The following MAGI2 variants were observed in gnomAD, a reference collection of about 807,000 sequenced individuals.
The protein encoded by MAGI2 is membrane-associated guanylate kinase, WW and PDZ domain-containing protein 2.
In MAGI2, 35 loss-of-function variants were observed where a neutral mutation model predicts 133.3. That is an observed-to-expected ratio of 0.26 (90% CI 0.20 to 0.35). MAGI2 has a LOEUF of 0.35. Among genes scored for constraint, MAGI2 ranks in the 10% least tolerant of loss-of-function variants. The probability of loss-of-function intolerance (pLI) is 1.00; values close to 1 mark genes in which losing one functional copy is unlikely to be tolerated. For synonymous variants in MAGI2, 729 were observed against 710.6 expected, an observed-to-expected ratio of 1.03 and a Z score of -0.41; for missense variants, 1,636 against 1,863.4, an observed-to-expected ratio of 0.88 and a Z score of 2.25.
intron 1 of MAGI2, among the ~76,000 whole-genome samples, chr7:79,193,598 A>G (rs1239610333): frequency 6.6e-6 from 1 of 151,982 alleles, no homozygotes; most frequent in African/African-American, 2.4e-5. Flanking sequence ...ATACTAATAA[A>G]CTAATAACTT....
At chr7:78,704,782 T>TTTTTTTTCC (rs1554535276) in intron 2 of MAGI2, among the ~76,000 whole-genome samples, 165 of 143,422 alleles carry the variant, frequency 1.2e-3, no homozygotes, top group East Asian at 3.2e-3. Context: ...ATTATTCTTT[T>TTTTTTTTCC]TTTTTTTTTT....
chr7:79,443,416 A>T (rs1431963338), intron 1 of MAGI2, among the ~76,000 whole-genome samples: 14 of 152,230 alleles, frequency 9.2e-5, no homozygotes, highest in Admixed American at 8.5e-4. Flanking sequence ...TCTTAAAAAA[A>T]CAAAACAAAA....
chr7:79,190,433 T>C (rs1280505018), intron 1 of MAGI2, among the ~76,000 whole-genome samples: 1 of 151,936 alleles, frequency 6.6e-6, no homozygotes, highest in East Asian at 1.9e-4. Flanking sequence ...TTTGTTGAAG[T>C]GTCTGTTCCT....
At chr7:79,030,506 T>G (rs1315196708) in intron 1 of MAGI2, among the ~76,000 whole-genome samples, 1 of 152,190 alleles carries the variant, frequency 6.6e-6, no homozygotes, top group African/African-American at 2.4e-5. Flanking sequence ...TCTCCGTTTT[T>G]GTTTTTGTTT....
chr7:78,216,435 T>C (rs113198310), intron 10 of MAGI2, among the ~76,000 whole-genome samples: 1 of 152,210 alleles, frequency 6.6e-6, no homozygotes, highest in African/African-American at 2.4e-5. Flanking sequence ...GTAATTGGCT[T>C]CCCCATGCTT....
At chr7:79,001,304 T>C (rs918879716) in intron 2 of MAGI2, among the ~76,000 whole-genome samples, 2 of 152,184 alleles carry the variant, frequency 1.3e-5, no homozygotes, top group African/African-American at 4.8e-5. Flanking sequence ...TGTTCTGGCT[T>C]CAAATAAATT....
chr7:78,622,534 G>T (rs954431618), intron 3 of MAGI2, among the ~76,000 whole-genome samples: 9 of 151,976 alleles, frequency 5.9e-5, no homozygotes, highest in African/African-American at 2.2e-4. Context: ...GAGTAGCACA[G>T]AATTCTGTAT....
chr7:78,774,795 G>A (rs1025754612), intron 2 of MAGI2, among the ~76,000 whole-genome samples: 21 of 152,166 alleles, frequency 1.4e-4, no homozygotes, highest in African/African-American at 5.1e-4. Context: ...TGGTAGAAGA[G>A]ACTAAAGGTC....
chr7:79,398,312 CTG>C (rs1438768119), intron 1 of MAGI2, among the ~76,000 whole-genome samples: 2 of 152,166 alleles, frequency 1.3e-5, no homozygotes, highest in Non-Finnish European at 2.9e-5. Context: ...TCCATTCGGC[CTG>C]TGTCTCATTT....
At chr7:78,144,788 A>T (rs555216209) in intron 16 of MAGI2, among the ~76,000 whole-genome samples, 1 of 152,234 alleles carries the variant, frequency 6.6e-6, no homozygotes, top group East Asian at 1.9e-4. Context: ...TCTGAGATAC[A>T]CGTGCAGAAC....
chr7:79,100,832 A>T (rs1817913010), intron 1 of MAGI2, among the ~76,000 whole-genome samples: 1 of 151,840 alleles, frequency 6.6e-6, no homozygotes, highest in African/African-American at 2.4e-5. Context: ...TAATCCATTA[A>T]ATTTTATTCT....
At chr7:78,532,472 C>T (rs894041698) in intron 3 of MAGI2, among the ~76,000 whole-genome samples, 1 of 152,136 alleles carries the variant, frequency 6.6e-6, no homozygotes, top group Non-Finnish European at 1.5e-5. Flanking sequence ...GCATCCATCC[C>T]TGTTGGTGAA....
At chr7:78,907,423 T>C (rs2151606267) in intron 2 of MAGI2, among the ~76,000 whole-genome samples, 1 of 152,298 alleles carries the variant, frequency 6.6e-6, no homozygotes. Flanking sequence ...GTTTCATATC[T>C]TTTCCTAACT....
chr7:78,092,053 C>T (rs983325604), intron 20 of MAGI2, among the ~76,000 whole-genome samples: 1 of 152,108 alleles, frequency 6.6e-6, no homozygotes, highest in Admixed American at 6.5e-5. Flanking sequence ...TAGTTTTGTC[C>T]TTAGCTTTCA....
At position 78,017,478 on chromosome 7, in the gene MAGI2, C is replaced by T. The variant is rs1021792964; in HGVS notation, c.*1837G>A. Reference sequence around the variant, plus strand: ...AGTACCAGGACGTGCAGCTACACTACAGAAGCATTGTCCAAAACCAGATTC... The same window carrying T: ...AGTACCAGGACGTGCAGCTACACTATAGAAGCATTGTCCAAAACCAGATTC... On this transcript the variant is annotated 3_prime_UTR_variant, in exon 22 of 22. Transcript: ENST00000354212. 6.6e-6 allele frequency: 1 copy of T among 152,474 alleles called. No individual in the cohort carries two copies. Among genetic ancestry groups the T allele is most frequent in the African/African-American group, 2.4e-5 (1 of 41,462 alleles). 9.4% of individuals were successfully genotyped at this position (152,474 alleles called of 1,614,324 possible). A position where few individuals can be genotyped will look rare whatever the true frequency, so the allele number is the denominator to read the frequency against.
At chr7:78,733,096 A>T (rs562276858) in intron 2 of MAGI2, among the ~76,000 whole-genome samples, 9 of 152,300 alleles carry the variant, frequency 5.9e-5, no homozygotes, top group African/African-American at 1.9e-4. Flanking sequence ...ATAGAAGATT[A>T]AATTGGGGTG....
chr7:78,150,101 A>C (rs1446650011), intron 16 of MAGI2, among the ~76,000 whole-genome samples: 1 of 152,220 alleles, frequency 6.6e-6, no homozygotes. Flanking sequence ...GGTCAAATGC[A>C]CAAATAAAAA....
chr7:79,002,843 T>C (rs1807015865), intron 2 of MAGI2, among the ~76,000 whole-genome samples: 1 of 150,390 alleles, frequency 6.6e-6, no homozygotes, highest in African/African-American at 2.4e-5. Flanking sequence ...TTCTAAGGGA[T>C]GTGGCTTTTA....
At chr7:79,003,427 G>A (rs1807097762) in intron 2 of MAGI2, among the ~76,000 whole-genome samples, 1 of 152,150 alleles carries the variant, frequency 6.6e-6, no homozygotes, top group African/African-American at 2.4e-5. Flanking sequence ...GAGTTATCAA[G>A]GACCTATTCC....
Sources: gnomAD v4.1 joint callset for allele counts (sites outside exome capture counted in the v4.1 genomes callset) on GRCh38, gnomAD v4.1.1 for gene constraint, MANE v1.5 for transcripts, NCBI Gene and HGNC (gene_info 2026-07-23, HGNC 2026-07-21) for gene names.